HS3ST4: variants seen among roughly 807,000 people sequenced by gnomAD.
HS3ST4 encodes heparan sulfate glucosamine 3-O-sulfotransferase 4.
HS3ST4 carries 17 observed loss-of-function variants against 29.2 expected under a neutral mutation model. The ratio of observed to expected loss-of-function variants is 0.58; its 90% CI spans 0.40 to 0.87. HS3ST4 has a LOEUF of 0.87. Ranked by LOEUF, HS3ST4 falls within the 40% of genes least tolerant of loss-of-function variation. The probability of loss-of-function intolerance (pLI) is 0.00; values close to 1 mark genes in which losing one functional copy is unlikely to be tolerated. For synonymous variants in HS3ST4, 314 were observed against 285.7 expected (o/e 1.10, Z -1.00); for missense variants, 627 against 634.5 (o/e 0.99, Z 0.13).
At chr16:25,747,546 A>G (rs1034902930) in intron 1 of HS3ST4, among the ~76,000 whole-genome samples, 4 of 152,198 alleles carry the variant, frequency 2.6e-5, no homozygotes, top group Non-Finnish European at 5.9e-5. Flanking sequence ...TTCCTCATTT[A>G]ATCCTCACGA....
At chr16:25,913,388 C>T (rs1968259132) in intron 1 of HS3ST4, among the ~76,000 whole-genome samples, 1 of 152,236 alleles carries the variant, frequency 6.6e-6, no homozygotes, top group Non-Finnish European at 1.5e-5. Context: ...CCTTCCACCA[C>T]CTGAGGACAC....
intron 1 of HS3ST4, among the ~76,000 whole-genome samples, chr16:25,782,902 A>C (rs1002674069): frequency 1.3e-5 from 2 of 152,190 alleles, no homozygotes; most frequent in African/African-American, 2.4e-5. Flanking sequence ...AATCCTTTTC[A>C]TAGATTTTAG....
chr16:25,911,185 A>C (rs1326522688), intron 1 of HS3ST4, among the ~76,000 whole-genome samples: 1 of 152,170 alleles, frequency 6.6e-6, no homozygotes, highest in Non-Finnish European at 1.5e-5. Context: ...TTATCAGTCC[A>C]GGAAGGCTGC....
At chr16:25,717,224 G>T (rs1966460438) in intron 1 of HS3ST4, among the ~76,000 whole-genome samples, 1 of 152,122 alleles carries the variant, frequency 6.6e-6, no homozygotes, top group Non-Finnish European at 1.5e-5. Flanking sequence ...CAGGCATTGT[G>T]GTTGGTGCTG....
chr16:26,069,126 A>G (rs1199391701), intron 1 of HS3ST4, among the ~76,000 whole-genome samples: 1 of 151,986 alleles, frequency 6.6e-6, no homozygotes. Context: ...TAATTTTTGC[A>G]TTTTTTGTAG....
At chr16:25,794,699 A>T (rs1048437713) in intron 1 of HS3ST4, among the ~76,000 whole-genome samples, 1 of 151,820 alleles carries the variant, frequency 6.6e-6, no homozygotes, top group African/African-American at 2.4e-5. Context: ...TCAGCAGTTT[A>T]TCTATGAGGT....
chr16:25,896,392 A>G (rs1447584072), intron 1 of HS3ST4, among the ~76,000 whole-genome samples: 9 of 152,236 alleles, frequency 5.9e-5, no homozygotes, highest in Admixed American at 4.6e-4. Flanking sequence ...CAAACATATG[A>G]AAAAATGGTC....
At chr16:25,932,906 A>G (rs1478741338) in intron 1 of HS3ST4, among the ~76,000 whole-genome samples, 1 of 152,192 alleles carries the variant, frequency 6.6e-6, no homozygotes, top group African/African-American at 2.4e-5. Flanking sequence ...AGTTTTCTCT[A>G]GAAGTGGGAA....
intron 1 of HS3ST4, among the ~76,000 whole-genome samples, chr16:25,749,840 A>G (rs1052393896): frequency 3.3e-5 from 5 of 152,204 alleles, no homozygotes; most frequent in African/African-American, 1.2e-4. Flanking sequence ...AGATATTATT[A>G]GTCTTAGTCC....
At chr16:26,082,293 C>T (rs1312230900) in intron 1 of HS3ST4, among the ~76,000 whole-genome samples, 1 of 152,218 alleles carries the variant, frequency 6.6e-6, no homozygotes. Context: ...GCAGTTGCAA[C>T]TACGTGGTCT....
intron 1 of HS3ST4, among the ~76,000 whole-genome samples, chr16:26,110,253 C>T (rs1899111257): frequency 6.6e-6 from 1 of 152,104 alleles, no homozygotes; most frequent in African/African-American, 2.4e-5. Flanking sequence ...GAATAATATT[C>T]CTATATCTGT....
At chr16:25,732,530 C>T (rs148577554) in intron 1 of HS3ST4, among the ~76,000 whole-genome samples, 33 of 152,258 alleles carry the variant, frequency 2.2e-4, no homozygotes, top group African/African-American at 7.0e-4. Flanking sequence ...CACAGTGACA[C>T]CCCGTCACCT....
At chr16:25,974,271 A>G (rs1283555076) in intron 1 of HS3ST4, among the ~76,000 whole-genome samples, 1 of 152,226 alleles carries the variant, frequency 6.6e-6, no homozygotes, top group African/African-American at 2.4e-5. Context: ...GCAAATCATC[A>G]GAAAGCCCTC....
At chr16:25,952,362 G>C (rs1221121414) in intron 1 of HS3ST4, among the ~76,000 whole-genome samples, 1 of 152,156 alleles carries the variant, frequency 6.6e-6, no homozygotes, top group African/African-American at 2.4e-5. Context: ...GAGTGATATA[G>C]GGGGGTATGC....
chr16:25,938,575 A>G (rs1968540940), intron 1 of HS3ST4, among the ~76,000 whole-genome samples: 1 of 151,834 alleles, frequency 6.6e-6, no homozygotes. Flanking sequence ...AATACTCCCA[A>G]GGTTTTATCT....
Position 25,999,764 on chromosome 16 carries a change from A to ATATATATTTATATATATTATATATATTT in HS3ST4, c.735-135840_735-135813dup, listed in dbSNP as rs1271131946. Among the ~76,000 whole-genome samples, 576 of 139,186 alleles carry ATATATATTTATATATATTATATATATTT rather than the reference A, an allele frequency of 4.1e-3. 11 individuals are homozygous for ATATATATTTATATATATTATATATATTT. Among genetic ancestry groups the ATATATATTTATATATATTATATATATTT allele is most frequent in the African/African-American group, 0.014 (542 of 37,840 alleles). The allele number at this position is 139,186 out of a possible 152,430, so 91.3% of individuals were successfully genotyped here. A position where few individuals can be genotyped will look rare whatever the true frequency, so the allele number is the denominator to read the frequency against. On this transcript the variant is annotated intron_variant, in intron 1 of 1. Coordinates refer to ENST00000331351, the MANE Select transcript of HS3ST4 (RefSeq NM_006040.3). ...AAATAATTATATATGTATATTTTATATATATATTTATATATATTATATATA... is the reference window on the plus strand; with the variant it reads ...AAATAATTATATATGTATATTTTATATATATATTTATATATATTATATATATTTTATATATTTATATATATTATATATA...
At chr16:26,044,437 T>C (rs1415026439) in intron 1 of HS3ST4, among the ~76,000 whole-genome samples, 1 of 152,150 alleles carries the variant, frequency 6.6e-6, no homozygotes, top group African/African-American at 2.4e-5. Flanking sequence ...ATCCCTGAAC[T>C]ATGAAGGTTG....
intron 1 of HS3ST4, among the ~76,000 whole-genome samples, chr16:25,752,520 A>AT (rs1966728891): frequency 2.6e-5 from 4 of 152,196 alleles, no homozygotes; most frequent in Admixed American, 2.6e-4. Flanking sequence ...AGGAAAAAAA[A>AT]GGCAACAAAG....
intron 1 of HS3ST4, among the ~76,000 whole-genome samples, chr16:26,064,934 A>G (rs893062086): frequency 6.6e-6 from 1 of 152,184 alleles, no homozygotes; most frequent in African/African-American, 2.4e-5. Context: ...AGTCTTAATT[A>G]TGTGGCTGTT....
Sources: gnomAD v4.1 joint callset for allele counts (sites outside exome capture counted in the v4.1 genomes callset) on GRCh38, gnomAD v4.1.1 for gene constraint, MANE v1.5 for transcripts, NCBI Gene and HGNC (gene_info 2026-07-23, HGNC 2026-07-21) for gene names.